Variants in CEACAM21 observed in about 807,000 individuals in gnomAD.
CEACAM21 encodes the protein CEA cell adhesion molecule 21, also known as cell adhesion molecule CEACAM21.
CEACAM21 carries 38 observed loss-of-function variants against 33.2 expected under a neutral mutation model. The observed-to-expected ratio is 1.14, with a 90% CI of 0.88 to 1.50. CEACAM21 has a LOEUF of 1.50. Among genes scored for constraint, CEACAM21 ranks in the 40% most tolerant of loss-of-function variants. The pLI, the probability that CEACAM21 is intolerant of heterozygous loss-of-function variation, is 0.00. For missense variants in CEACAM21, 385 were observed against 364.6 expected (o/e 1.06, Z -0.46); for synonymous variants, 156 against 143.0 (o/e 1.09, Z -0.65).
At chr19:41,557,482 A>G (rs1555785810) in intron 1 of CEACAM21, among the ~76,000 whole-genome samples, 1 of 152,152 alleles carries the variant, frequency 6.6e-6, no homozygotes, top group Non-Finnish European at 1.5e-5. Context: ...GTCGGGTTCG[A>G]TATCACAAGC....
chr19:41,550,209 A>G (rs2041131179), intron 1 of CEACAM21: 2 of 152,396 alleles, frequency 1.3e-5, no homozygotes, highest in East Asian at 1.9e-4. Flanking sequence ...TTTAATTTCT[A>G]TCTATACACC....
At chr19:41,552,514 C>T (rs1198577134) in intron 1 of CEACAM21, among the ~76,000 whole-genome samples, 3 of 152,218 alleles carry the variant, frequency 2.0e-5, no homozygotes, top group East Asian at 1.9e-4. Context: ...TGATACTGAA[C>T]TTAACCACTC....
intron 2 of CEACAM21, among the ~76,000 whole-genome samples, chr19:41,566,980 CTT>C (rs1600195159): frequency 1.3e-5 from 2 of 152,132 alleles, no homozygotes; most frequent in Admixed American, 1.3e-4. Flanking sequence ...TAAAATCTCT[CTT>C]GTGTCTTCCT....
chr19:41,563,654 G>A (rs1280462125), intron 1 of CEACAM21, among the ~76,000 whole-genome samples: 1 of 152,244 alleles, frequency 6.6e-6, no homozygotes. Flanking sequence ...ATCCCATCCA[G>A]GGAGCTGCTC....
chr19:41,552,818 C>A (rs1555784701), intron 1 of CEACAM21, among the ~76,000 whole-genome samples: 7 of 152,104 alleles, frequency 4.6e-5, no homozygotes, highest in Non-Finnish European at 1.5e-5. Flanking sequence ...TAGGCAACAG[C>A]AACACATATA....
chr19:41,584,323 A>T lies in CEACAM21; in HGVS notation c.701-24A>T, dbSNP rs115885052. Reference sequence around the variant, plus strand: ...TCCCCCTGGAACAGATTTGGACCTCATCCCCTTTGCCTTCTTCTTTCAGCA... The same window carrying T: ...TCCCCCTGGAACAGATTTGGACCTCTTCCCCTTTGCCTTCTTCTTTCAGCA... On this transcript the variant is annotated intron_variant, in intron 3 of 6. Transcript: ENST00000401445. 7,349 of 1,596,728 alleles carry T rather than the reference A, an allele frequency of 4.6e-3. 286 individuals carry two copies. In the African/African-American group the frequency reaches 0.086, roughly 19 times the overall value.
At chr19:41,571,676 C>G (rs1555789558), upstream of CEACAM21, among the ~76,000 whole-genome samples, 1 of 152,232 alleles carries the variant, frequency 6.6e-6, no homozygotes, top group African/African-American at 2.4e-5. Flanking sequence ...AAATAAGAAT[C>G]TACTCTCCCC....
chr19:41,561,336 G>A (rs1310921879), intron 1 of CEACAM21, among the ~76,000 whole-genome samples: 2 of 151,628 alleles, frequency 1.3e-5, no homozygotes, highest in Non-Finnish European at 2.9e-5. Flanking sequence ...TAGCAAGCTA[G>A]GAAGAAAGAC....
intron 2 of CEACAM21, 135 bp from the exon 3 acceptor site, chr19:41,579,218 C>T (rs2043179992): frequency 1.4e-6 from 2 of 1,441,194 alleles, no homozygotes; most frequent in African/African-American, 1.4e-5. Flanking sequence ...CTATGGGTGT[C>T]TCTGGTTCTC....
At chr19:41,551,350 G>C (rs978867849) in intron 1 of CEACAM21, 2 of 152,092 alleles carry the variant, frequency 1.3e-5, no homozygotes, top group Non-Finnish European at 2.9e-5. Context: ...GTAGAGTCGA[G>C]GTTTCACCAT....
At chr19:41,559,013 G>A (rs2041709362) in intron 1 of CEACAM21, among the ~76,000 whole-genome samples, 1 of 152,304 alleles carries the variant, frequency 6.6e-6, no homozygotes, top group South Asian at 2.1e-4. Flanking sequence ...TTTAATAGGA[G>A]ATTTGAATAC....
At chr19:41,550,038 G>A (rs537186017) in intron 1 of CEACAM21, 1 of 152,284 alleles carries the variant, frequency 6.6e-6, no homozygotes, top group South Asian at 2.1e-4. Context: ...CGAGTGCGAT[G>A]AGAAGCATAA....
At chr19:41,582,761 G>A (rs2043508961) in intron 3 of CEACAM21, among the ~76,000 whole-genome samples, 1 of 152,182 alleles carries the variant, frequency 6.6e-6, no homozygotes, top group Admixed American at 6.5e-5. Flanking sequence ...CACAGCAGGG[G>A]AGCCCTGGGC....
intron 1 of CEACAM21, among the ~76,000 whole-genome samples, chr19:41,564,334 A>ATTTATTTATTTG (rs2042109312): frequency 1.2e-5 from 1 of 83,078 alleles, no homozygotes; most frequent in African/African-American, 6.0e-5. Context: ...GTTATTTATT[A>ATTTATTTATTTG]TTTATTTATT....
intron 1 of CEACAM21, chr19:41,551,160 C>CAT (rs1177592382): frequency 7.7e-6 from 1 of 129,352 alleles, no homozygotes; most frequent in Admixed American, 7.8e-5. Flanking sequence ...TTTCCTTTTC[C>CAT]TTTTTTTTTT....
In CEACAM21 at chr19:41,578,225, T is replaced by C. The variant is rs550752951; in HGVS notation, c.424+666T>C. Among the ~76,000 whole-genome samples, 355 of 151,814 alleles carry C rather than the reference T, an allele frequency of 2.3e-3. 5 individuals are homozygous for C. Among genetic ancestry groups the C allele is most frequent in the Middle Eastern group, 6.9e-3 (2 of 290 alleles). On this transcript the variant is annotated intron_variant, in intron 2 of 6. Coordinates refer to ENST00000401445, the MANE Select transcript of CEACAM21 (RefSeq NM_001098506.4). ...TTAAAAGATGTCCCGGGAAGTGCAC[T>C]GTCCTCAGGAGGAGGGAAAGCAGAG...
intron 2 of CEACAM21, among the ~76,000 whole-genome samples, chr19:41,578,087 C>T (rs922093907): frequency 1.6e-4 from 25 of 152,188 alleles, no homozygotes; most frequent in African/African-American, 6.0e-4. Context: ...CCAGGCAGGG[C>T]TCAGCCCCCA....
chr19:41,575,310 C>T (rs1283403310), upstream of CEACAM21, among the ~76,000 whole-genome samples: 1 of 152,158 alleles, frequency 6.6e-6, no homozygotes, highest in Non-Finnish European at 1.5e-5. Flanking sequence ...TTTAATTCTA[C>T]ACTTAAAATT....
chr19:41,578,338 T>A, intron 2 of CEACAM21, among the ~76,000 whole-genome samples: 1 of 149,226 alleles, frequency 6.7e-6, no homozygotes, highest in African/African-American at 2.5e-5. Flanking sequence ...TAATAATAGA[T>A]GATGTTTATT....
Sources: allele counts gnomAD v4.1 joint callset (sites outside exome capture counted in the v4.1 genomes callset), GRCh38; gene constraint gnomAD v4.1.1; transcripts MANE v1.5; gene names NCBI Gene and HGNC (gene_info 2026-07-23, HGNC 2026-07-21).